The following CACNA2D3 variants were observed in gnomAD, a reference collection of about 807,000 sequenced individuals.
The protein encoded by CACNA2D3 is voltage-dependent calcium channel subunit alpha-2/delta-3.
Under a neutral mutation model 160.6 loss-of-function variants are expected in CACNA2D3, and 60 were observed. The observed-to-expected ratio is 0.37, with a 90% CI of 0.30 to 0.46. The LOEUF is 0.46. CACNA2D3 is among the 20% of genes least tolerant of loss of function. CACNA2D3 has a pLI of 1.00. For synonymous variants in CACNA2D3, 558 were observed against 492.9 expected (o/e 1.13, Z -1.75); for missense variants, 1,205 against 1,365.0 (o/e 0.88, Z 1.85).
At chr3:55,008,325 G>T (rs1257866119) in intron 33 of CACNA2D3, among the ~76,000 whole-genome samples, 2 of 152,096 alleles carry the variant, frequency 1.3e-5, no homozygotes, top group African/African-American at 4.8e-5. Flanking sequence ...GGAGGTGCTG[G>T]TTGCATCTAT....
intron 4 of CACNA2D3, among the ~76,000 whole-genome samples, chr3:54,408,746 A>T (rs937569574): frequency 6.6e-6 from 1 of 152,110 alleles, no homozygotes; most frequent in Non-Finnish European, 1.5e-5. Flanking sequence ...TCTTTTGGCA[A>T]CTCTAATGAC....
intron 27 of CACNA2D3, among the ~76,000 whole-genome samples, chr3:54,934,834 T>A (rs1245290327): frequency 6.6e-6 from 1 of 152,064 alleles, no homozygotes; most frequent in Non-Finnish European, 1.5e-5. Context: ...AAGGTTCAAG[T>A]GATTCTCATG....
chr3:54,192,219 G>T (rs550172042), intron 2 of CACNA2D3, among the ~76,000 whole-genome samples: 1 of 152,052 alleles, frequency 6.6e-6, no homozygotes, highest in Non-Finnish European at 1.5e-5. Context: ...ACTGCTTGGG[G>T]GTGGAGGAGA....
At chr3:55,010,830 T>G (rs2107146794) in intron 34 of CACNA2D3, among the ~76,000 whole-genome samples, 1 of 152,350 alleles carries the variant, frequency 6.6e-6, no homozygotes, top group South Asian at 2.1e-4. Flanking sequence ...AGCTCATGCG[T>G]TATCCTATCT....
intron 4 of CACNA2D3, among the ~76,000 whole-genome samples, chr3:54,487,993 C>G (rs1016557164): frequency 6.6e-6 from 1 of 152,120 alleles, no homozygotes; most frequent in African/African-American, 2.4e-5. Flanking sequence ...GAAAGGTCTT[C>G]CTGTGGAGCC....
chr3:54,999,245 A>G (rs964086933), intron 31 of CACNA2D3, among the ~76,000 whole-genome samples: 3 of 152,192 alleles, frequency 2.0e-5, no homozygotes, highest in South Asian at 2.1e-4. Flanking sequence ...TGAATCTTCT[A>G]TTAGCACTCC....
intron 11 of CACNA2D3, among the ~76,000 whole-genome samples, chr3:54,738,814 T>C (rs1416981368): frequency 2.6e-5 from 4 of 152,198 alleles, no homozygotes; most frequent in African/African-American, 7.2e-5. Context: ...CTCCCACTTA[T>C]TGTATGACCA....
intron 2 of CACNA2D3, among the ~76,000 whole-genome samples, chr3:54,212,289 T>C (rs939762065): frequency 3.3e-5 from 5 of 152,130 alleles, no homozygotes; most frequent in African/African-American, 4.8e-5. Flanking sequence ...AAGGTGTACA[T>C]TGGTTCCATC....
chr3:54,996,352 C>T (rs1010804030), intron 31 of CACNA2D3, among the ~76,000 whole-genome samples: 12 of 152,300 alleles, frequency 7.9e-5, no homozygotes, highest in Admixed American at 2.0e-4. Context: ...TCCATTTTCC[C>T]CTTCAGTTTC....
At chr3:54,787,370 T>A (rs923684739) in intron 13 of CACNA2D3, among the ~76,000 whole-genome samples, 1 of 152,198 alleles carries the variant, frequency 6.6e-6, no homozygotes, top group African/African-American at 2.4e-5. Flanking sequence ...TCATGATGTA[T>A]CTTTTATTTT....
At chr3:54,588,094 A>G (rs974118862) in intron 9 of CACNA2D3, among the ~76,000 whole-genome samples, 1 of 152,256 alleles carries the variant, frequency 6.6e-6, no homozygotes, top group African/African-American at 2.4e-5. Flanking sequence ...CCAATGATGT[A>G]TATAAAAAAT....
chr3:54,645,611 C>T (rs950406651), intron 11 of CACNA2D3, among the ~76,000 whole-genome samples: 1 of 152,118 alleles, frequency 6.6e-6, no homozygotes, highest in South Asian at 2.1e-4. Flanking sequence ...AGTTCCTGAC[C>T]ACTGCTCTAG....
intron 2 of CACNA2D3, among the ~76,000 whole-genome samples, chr3:54,127,121 C>T (rs1699609942): frequency 6.6e-6 from 1 of 152,256 alleles, no homozygotes; most frequent in Admixed American, 6.5e-5. Flanking sequence ...TCTATTTAGA[C>T]CTGCATTCGG....
intron 2 of CACNA2D3, among the ~76,000 whole-genome samples, chr3:54,314,007 A>G (rs75522046): frequency 2.3e-4 from 35 of 152,032 alleles, no homozygotes; most frequent in African/African-American, 5.8e-4. Context: ...CCCAAGCAGT[A>G]TACACTGAAC....
chr3:55,043,819 G>A (rs1261968154), intron 35 of CACNA2D3, among the ~76,000 whole-genome samples: 1 of 152,106 alleles, frequency 6.6e-6, no homozygotes, highest in Non-Finnish European at 1.5e-5. Flanking sequence ...TTTATACATG[G>A]TGTGATTTAG....
intron 2 of CACNA2D3, among the ~76,000 whole-genome samples, chr3:54,146,703 A>G (rs1458426557): frequency 6.6e-6 from 1 of 152,176 alleles, no homozygotes; most frequent in Non-Finnish European, 1.5e-5. Flanking sequence ...TCTGAGCCGC[A>G]TGTGCACAGA....
chr3:54,445,324 C>A lies in CACNA2D3; in HGVS notation c.382-58168C>A, dbSNP rs73089459. 6.0e-3 allele frequency among the ~76,000 whole-genome samples: 917 copies of A among 152,242 alleles called. 22 individuals carry two copies. The highest frequency in any genetic ancestry group is 3.0e-3 in the Non-Finnish European group (207 of 68,020). On this transcript the variant is annotated intron_variant, in intron 4 of 37. Coordinates refer to ENST00000474759, the MANE Select transcript of CACNA2D3 (RefSeq NM_018398.3). The stretch of plus-strand genomic sequence containing the variant: ...GTTGGCAATGAATTGAAAGTTAAAA[C>A]GCTGATACTTCACTACTCAGGCCGA...
In CACNA2D3 at chr3:54,273,647, G is replaced by A. The variant is rs536029856; in HGVS notation, c.205-46795G>A. 2.0e-5 allele frequency among the ~76,000 whole-genome samples: 3 copies of A among 152,310 alleles called. No individual in the cohort carries two copies. In the South Asian group the frequency reaches 6.2e-4, roughly 32 times the overall value. On this transcript the variant is annotated intron_variant, in intron 2 of 37. Coordinates refer to ENST00000474759, the MANE Select transcript of CACNA2D3 (RefSeq NM_018398.3). ...CAATCTCACAACACGGACAGCAGGAGCAGGCTGGTGGCCAAACACAAGGTC... is the reference window on the plus strand; with the variant it reads ...CAATCTCACAACACGGACAGCAGGAACAGGCTGGTGGCCAAACACAAGGTC...
chr3:54,203,438 C>T (rs999642749), intron 2 of CACNA2D3, among the ~76,000 whole-genome samples: 12 of 152,192 alleles, frequency 7.9e-5, no homozygotes, highest in Non-Finnish European at 1.6e-4. Context: ...AGTTTGTCAT[C>T]TGTAGGCAGC....
Sources: gnomAD v4.1 joint callset for allele counts (sites outside exome capture counted in the v4.1 genomes callset) on GRCh38, gnomAD v4.1.1 for gene constraint, MANE v1.5 for transcripts, NCBI Gene and HGNC (gene_info 2026-07-23, HGNC 2026-07-21) for gene names.